Variants in TXNDC16 observed in about 807,000 individuals in gnomAD.
TXNDC16 encodes the protein thioredoxin domain-containing protein 16.
In TXNDC16, 74 loss-of-function variants were observed where a neutral mutation model predicts 85.6. That is an observed-to-expected ratio of 0.86 (90% CI 0.72 to 1.05). The LOEUF (loss-of-function observed/expected upper bound fraction) is 1.05. Among genes scored for constraint, TXNDC16 ranks in the 50% least tolerant of loss-of-function variants. The pLI, the probability that TXNDC16 is intolerant of heterozygous loss-of-function variation, is 0.00. For synonymous variants in TXNDC16, 335 were observed against 326.5 expected (o/e 1.03, Z -0.28); for missense variants, 959 against 947.0 (o/e 1.01, Z -0.17).
Position 52,524,131 on chromosome 14 carries a change from A to C in TXNDC16, c.393-4838T>G, listed in dbSNP as rs1340311555. The stretch of plus-strand genomic sequence containing the variant: ...AGCAATCGCTCAATGCCTATTCAGG[A>C]GAGAACAGCATGGGCACAGTTCAGG... On this transcript the variant is annotated intron_variant, in intron 6 of 20. Coordinates refer to ENST00000281741, the MANE Select transcript of TXNDC16 (RefSeq NM_020784.3). Among the ~76,000 whole-genome samples the C allele has an allele frequency of 3.9e-5, 6 of 152,268 alleles. No homozygotes were observed. The South Asian group carries it at 1.0e-3, about 26-fold the overall frequency.
At position 52,515,669 on chromosome 14, in the gene TXNDC16, A is replaced by ATATGTG. The variant is rs1431250631; in HGVS notation, c.515-700_515-699insCACATA. 4.9e-3 allele frequency among the ~76,000 whole-genome samples: 706 copies of ATATGTG among 144,340 alleles called. 4 individuals carry two copies. The highest frequency in any genetic ancestry group is 8.5e-3 in the African/African-American group (336 of 39,542). 94.7% of individuals were successfully genotyped at this position (144,340 alleles called of 152,430 possible). ...TATCTCAACTCTTTATTTCATACAT[A>ATATGTG]TGTGTGTGTGTGTGTGTGTGTGTGT... On this transcript the variant is annotated intron_variant, in intron 7 of 20. Coordinates refer to ENST00000281741, the MANE Select transcript of TXNDC16 (RefSeq NM_020784.3).
At chr14:52,525,115 T>C (rs2037297326) in intron 6 of TXNDC16, among the ~76,000 whole-genome samples, 1 of 150,138 alleles carries the variant, frequency 6.7e-6, no homozygotes, top group Non-Finnish European at 1.5e-5. Flanking sequence ...TGAGCGAAAC[T>C]AAAAAAAAAG....
At chr14:52,513,801 T>C (rs1220554059) in intron 8 of TXNDC16, among the ~76,000 whole-genome samples, 2 of 152,034 alleles carry the variant, frequency 1.3e-5, no homozygotes, top group Admixed American at 1.3e-4. Context: ...ATCACTATTA[T>C]TTGCAATTAT....
rs192564816 is a variant in TXNDC16 at position 52,492,547 on chromosome 14, G to C, written c.757-1542C>G. 1.1e-3 allele frequency among the ~76,000 whole-genome samples: 170 copies of C among 152,278 alleles called. 1 individual carries two copies. Among genetic ancestry groups the C allele is most frequent in the African/African-American group, 4.0e-3 (165 of 41,546 alleles). On this transcript the variant is annotated intron_variant, in intron 9 of 20. Transcript: ENST00000281741. ...AGAGAATGTGTGAGAATCTGCAACAGTGTTGCCTGCCTCTGCCCCTCCTCC... is the reference window on the plus strand; with the variant it reads ...AGAGAATGTGTGAGAATCTGCAACACTGTTGCCTGCCTCTGCCCCTCCTCC...
At chr14:52,530,280 T>TAAC in intron 6 of TXNDC16, among the ~76,000 whole-genome samples, 2 of 57,208 alleles carry the variant, frequency 3.5e-5, no homozygotes, top group South Asian at 1.5e-3. Flanking sequence ...TATTATTTAA[T>TAAC]ATATAATTAT....
At position 52,455,182 on chromosome 14, in the gene TXNDC16, CA is replaced by C. The variant is rs373028381; in HGVS notation, c.1842+141del. On this transcript the variant is annotated intron_variant, in intron 18 of 20. Coordinates refer to ENST00000281741, the MANE Select transcript of TXNDC16 (RefSeq NM_020784.3). ...TATGCATAATGACTGAACAATAAAA[CA>C]GAACAATCCAGTAAATCCTCAGCTC... The C allele has an allele frequency of 1.2e-4, 107 of 911,570 alleles. 1 individual carries two copies. In the African/African-American group the frequency reaches 1.4e-3, roughly 12 times the overall value. The allele number at this position is 911,570 out of a possible 1,614,324, so 56.5% of individuals were successfully genotyped here.
chr14:52,504,253 C>T (rs538323951), intron 9 of TXNDC16, among the ~76,000 whole-genome samples: 1 of 152,078 alleles, frequency 6.6e-6, no homozygotes, highest in African/African-American at 2.4e-5. Context: ...AGAACAACTC[C>T]AAGACACATA....
intron 9 of TXNDC16, among the ~76,000 whole-genome samples, chr14:52,495,779 T>C (rs990986570): frequency 6.6e-6 from 1 of 152,154 alleles, no homozygotes; most frequent in Admixed American, 6.5e-5. Flanking sequence ...GTTTAATACA[T>C]CATCTACATT....
At chr14:52,505,733 C>T (rs2036781990) in intron 9 of TXNDC16, among the ~76,000 whole-genome samples, 1 of 152,008 alleles carries the variant, frequency 6.6e-6, no homozygotes, top group Admixed American at 6.6e-5. Context: ...CAGAGCAGAA[C>T]TGAAGGAGAG....
chr14:52,513,447 G>C (rs983102227), intron 8 of TXNDC16, among the ~76,000 whole-genome samples: 1 of 152,062 alleles, frequency 6.6e-6, no homozygotes, highest in Non-Finnish European at 1.5e-5. Context: ...CTCAGGTCCA[G>C]GGATGACTCA....
intron 16 of TXNDC16, among the ~76,000 whole-genome samples, chr14:52,461,562 G>A (rs1246901348): frequency 1.3e-5 from 2 of 152,196 alleles, no homozygotes; most frequent in Admixed American, 6.5e-5. Flanking sequence ...CCTTAGTCCT[G>A]AGTACCCATG....
At position 52,497,014 on chromosome 14, in the gene TXNDC16, A is replaced by T. The variant is rs543802059; in HGVS notation, c.757-6009T>A. 2.0e-5 allele frequency among the ~76,000 whole-genome samples: 3 copies of T among 152,274 alleles called. No individual in the cohort carries two copies. In the South Asian group the frequency reaches 6.2e-4, roughly 32 times the overall value. On this transcript the variant is annotated intron_variant, in intron 9 of 20. Coordinates refer to ENST00000281741, the MANE Select transcript of TXNDC16 (RefSeq NM_020784.3). ...GGTAGTATCATAAAAATTATAACTA[A>T]ATAAAATATGTAATATAAATAGAAA...
chr14:52,514,925 T>C lies in TXNDC16; in HGVS notation c.560A>G (p.Tyr187Cys), dbSNP rs112097523. The C allele has an allele frequency of 6.2e-7, 1 of 1,612,950 alleles. No homozygotes were observed. The highest frequency in any genetic ancestry group is 8.5e-7 in the Non-Finnish European group (1 of 1,179,210). The part of the protein sequence containing the change: ...MEAAFVYGTT[Y>C]QFVLTTEIAL... ...AATTTCTGTGGTTAAGACAAATTGGTATGTAGTCCCATACACAAAAGCGGC... is the reference window on the plus strand; with the variant it reads ...AATTTCTGTGGTTAAGACAAATTGGCATGTAGTCCCATACACAAAAGCGGC... The change falls in exon 8 of 21, where the codon TAC (tyrosine) becomes TGC (cysteine). Residue 187 changes from tyrosine (Y) to cysteine (C), a missense_variant. Tyr to Cys is a radical substitution (Grantham distance 194, BLOSUM62 -2). Coordinates refer to ENST00000281741, the MANE Select transcript of TXNDC16 (RefSeq NM_020784.3).
intron 7 of TXNDC16, among the ~76,000 whole-genome samples, chr14:52,515,354 A>G (rs900862805): frequency 6.6e-6 from 1 of 151,840 alleles, no homozygotes; most frequent in African/African-American, 2.4e-5. Context: ...TCAAACTTAC[A>G]CTGAAAGAAA....
intron 1 of TXNDC16, among the ~76,000 whole-genome samples, chr14:52,549,609 G>C (rs1316257118): frequency 6.6e-6 from 1 of 150,870 alleles, no homozygotes; most frequent in Non-Finnish European, 1.5e-5. Flanking sequence ...GTATGCAATA[G>C]TAATTGACAA....
chr14:52,535,808 G>C (rs1446213978), intron 6 of TXNDC16, among the ~76,000 whole-genome samples: 2 of 152,114 alleles, frequency 1.3e-5, no homozygotes, highest in African/African-American at 2.4e-5. Flanking sequence ...CCCAGAGCTA[G>C]AGAATCCAGA....
Position 52,499,771 on chromosome 14 carries a change from C to T in TXNDC16, c.757-8766G>A, listed in dbSNP as rs1594732558. Among the ~76,000 whole-genome samples the T allele has an allele frequency of 2.0e-5, 3 of 152,028 alleles. No individual in the cohort carries two copies. In the South Asian group the frequency reaches 6.2e-4, roughly 32 times the overall value. ...CATAAGGAATCAGTTTCTCTACACC[C>T]CTTAAATATACCAAAATCCATAAAT... On this transcript the variant is annotated intron_variant, in intron 9 of 20. Transcript: ENST00000281741.
intron 9 of TXNDC16, among the ~76,000 whole-genome samples, chr14:52,492,822 C>T (rs561310907): frequency 6.6e-6 from 1 of 152,180 alleles, no homozygotes; most frequent in Non-Finnish European, 1.5e-5. Context: ...CCCTCCTCGG[C>T]CCAGTCAGCC....
intron 9 of TXNDC16, among the ~76,000 whole-genome samples, chr14:52,494,377 G>A (rs963882757): frequency 6.6e-6 from 1 of 152,156 alleles, no homozygotes; most frequent in African/African-American, 2.4e-5. Flanking sequence ...AATGTTGTGA[G>A]AGGGCCATGT....
Sources: gnomAD v4.1 joint callset for allele counts (sites outside exome capture counted in the v4.1 genomes callset) on GRCh38, gnomAD v4.1.1 for gene constraint, MANE v1.5 for transcripts, NCBI Gene and HGNC (gene_info 2026-07-23, HGNC 2026-07-21) for gene names.